The following CANX variants were observed in gnomAD, a reference collection of about 807,000 sequenced individuals.
CANX encodes calnexin.
CANX carries 14 observed loss-of-function variants against 75.7 expected under a neutral mutation model. That is an observed-to-expected ratio of 0.19 (90% CI 0.12 to 0.29). The LOEUF is 0.29. Among genes scored for constraint, CANX ranks in the 10% least tolerant of loss-of-function variants. CANX has a pLI of 1.00. For missense variants in CANX, 567 were observed against 713.2 expected, an observed-to-expected ratio of 0.79 and a Z score of 2.34; for synonymous variants, 227 against 236.9, an observed-to-expected ratio of 0.96 and a Z score of 0.38.
At chr5:179,698,297 A>G, upstream of CANX, 3 of 594,654 alleles carry the variant, frequency 5.0e-6, no homozygotes, top group South Asian at 4.1e-5. Context: ...TGAAAGTTCA[A>G]ATAACCTCGG....
intron 1 of CANX, among the ~76,000 whole-genome samples, chr5:179,686,674 ACTC>A (rs1776196061): frequency 7.0e-6 from 1 of 142,448 alleles, no homozygotes; most frequent in East Asian, 2.2e-4. Context: ...ATGTTGCAAA[ACTC>A]CTGGGCTTGA....
chr5:179,689,379 G>GTTTTTTTTTTT (rs958473912), intron 1 of CANX, among the ~76,000 whole-genome samples: 38 of 83,670 alleles, frequency 4.5e-4, no homozygotes, highest in South Asian at 1.1e-3. Context: ...AACCCAACAA[G>GTTTTTTTTTTT]TTTTTTTTTT....
chr5:179,679,428 C>A, intron 1 of CANX: 1 of 615,920 alleles, frequency 1.6e-6, no homozygotes, highest in Non-Finnish European at 2.8e-6. Context: ...AGGCAGCAGT[C>A]TCACCTAAAC....
At chr5:179,719,322 G>A (rs544064650) in intron 8 of CANX, among the ~76,000 whole-genome samples, 5 of 152,198 alleles carry the variant, frequency 3.3e-5, no homozygotes, top group East Asian at 1.9e-4. Flanking sequence ...AAGTGGTATC[G>A]TTTTGATTTG....
At chr5:179,700,300 G>A (rs1776652498) in intron 1 of CANX, 1 of 152,164 alleles carries the variant, frequency 6.6e-6, no homozygotes, top group South Asian at 2.1e-4. Context: ...TTAGGAAATG[G>A]AAGATTTTGC....
chr5:179,717,575 C>A (rs1256796877), intron 8 of CANX, among the ~76,000 whole-genome samples: 3 of 152,150 alleles, frequency 2.0e-5, no homozygotes, highest in Admixed American at 2.0e-4. Flanking sequence ...TGAATAAATT[C>A]TACTGTTTTG....
Position 179,731,533 on chromosome 5 carries a change from C to T in CANX, c.*2889C>T, listed in dbSNP as rs913729221. Reference sequence around the variant, plus strand: ...CTTTTGCCTTGGTGGCCCACTTTCTCCATTTAAAACATTAGGATTTGTATT... The same window carrying T: ...CTTTTGCCTTGGTGGCCCACTTTCTTCATTTAAAACATTAGGATTTGTATT... On this transcript the variant is annotated 3_prime_UTR_variant, in exon 15 of 15. Transcript: ENST00000247461. Among the ~76,000 whole-genome samples, 1 of 149,144 alleles carries T rather than the reference C, an allele frequency of 6.7e-6. No individual in the cohort carries two copies. Among genetic ancestry groups the T allele is most frequent in the South Asian group, 2.1e-4 (1 of 4,788 alleles).
At chr5:179,708,457 G>GT in intron 5 of CANX, 77 bp downstream of exon 5, 1 of 1,350,262 alleles carries the variant, frequency 7.4e-7, no homozygotes, top group East Asian at 2.4e-5. Context: ...TTTACTCTAT[G>GT]TTAAAAAATT....
intron 4 of CANX, among the ~76,000 whole-genome samples, chr5:179,707,824 GTTTA>G (rs1406019850): frequency 2.6e-5 from 4 of 151,922 alleles, no homozygotes; most frequent in East Asian, 1.9e-4. Context: ...AATAAAGTGT[GTTTA>G]TTTATTATTT....
At chr5:179,720,793 T>C (rs908008427) in intron 10 of CANX, among the ~76,000 whole-genome samples, 2 of 152,086 alleles carry the variant, frequency 1.3e-5, no homozygotes, top group Non-Finnish European at 2.9e-5. Context: ...TATTTATTTA[T>C]TTATTTTTGA....
At chr5:179,689,161 C>T (rs1052396893) in intron 1 of CANX, among the ~76,000 whole-genome samples, 11 of 152,008 alleles carry the variant, frequency 7.2e-5, no homozygotes, top group Non-Finnish European at 1.0e-4. Flanking sequence ...AGCTGAGAAT[C>T]GCTTAAACCC....
intron 7 of CANX, among the ~76,000 whole-genome samples, chr5:179,710,329 AG>A (rs1777457247): frequency 6.6e-6 from 1 of 151,380 alleles, no homozygotes; most frequent in African/African-American, 2.4e-5. Context: ...AGGCTGAGGC[AG>A]GAGAATTGCT....
upstream of CANX, chr5:179,698,656 G>C (rs1475986304): frequency 8.4e-7 from 1 of 1,188,294 alleles, no homozygotes; most frequent in East Asian, 5.7e-5. Flanking sequence ...CACAGCAACC[G>C]ACGCGGGAAC....
intron 1 of CANX, chr5:179,678,828 C>T (rs1446393417): frequency 1.3e-6 from 2 of 1,537,024 alleles, no homozygotes; most frequent in South Asian, 1.2e-5. Context: ...TGCACCTGCG[C>T]CTTCCAGCCC....
intron 1 of CANX, chr5:179,700,169 C>T (rs1776640368): frequency 6.6e-6 from 1 of 152,060 alleles, no homozygotes; most frequent in South Asian, 2.1e-4. Context: ...AGAAACCGGG[C>T]ATTGTGTATT....
chr5:179,712,522 G>A (rs1022275996), intron 7 of CANX, among the ~76,000 whole-genome samples: 8 of 151,362 alleles, frequency 5.3e-5, no homozygotes, highest in African/African-American at 1.9e-4. Context: ...GCATTCAAGC[G>A]ATTCTCCTGC....
chr5:179,693,207 G>T (rs1776331089), intron 1 of CANX, among the ~76,000 whole-genome samples: 1 of 147,864 alleles, frequency 6.8e-6, no homozygotes, highest in Non-Finnish European at 1.5e-5. Flanking sequence ...CATGAATAGA[G>T]AATTCACAAA....
chr5:179,717,863 A>G (rs1778059924), intron 8 of CANX, among the ~76,000 whole-genome samples: 2 of 151,022 alleles, frequency 1.3e-5, no homozygotes, highest in Admixed American at 6.6e-5. Context: ...TCACAAGCGC[A>G]TGCCACCACA....
At chr5:179,719,828 G>GT (rs573862439) in intron 9 of CANX, 47 bp downstream of exon 9, 81,022 of 751,348 alleles carry the variant, frequency 0.11, 7 homozygotes, top group South Asian at 0.17. Context: ...TTTTTTGTTT[G>GT]TTTTTTTTTT....
Sources: allele counts gnomAD v4.1 joint callset (sites outside exome capture counted in the v4.1 genomes callset), GRCh38; gene constraint gnomAD v4.1.1; transcripts MANE v1.5; gene names NCBI Gene and HGNC (gene_info 2026-07-23, HGNC 2026-07-21).